The following SPATA13 variants were observed in gnomAD, a reference collection of about 807,000 sequenced individuals.
SPATA13 encodes spermatogenesis-associated protein 13.
SPATA13 carries 50 observed loss-of-function variants against 104.0 expected under a neutral mutation model. The ratio of observed to expected loss-of-function variants is 0.48; its 90% confidence interval spans 0.38 to 0.61. SPATA13 has a LOEUF of 0.61. Ranked by LOEUF, SPATA13 falls within the 20% of genes least tolerant of loss-of-function variation. The pLI is 0.00. For synonymous variants in SPATA13, 606 were observed against 667.5 expected (o/e 0.91, Z 1.42); for missense variants, 1,524 against 1,690.6 (o/e 0.90, Z 1.73).
At chr13:24,122,106 T>G (rs1392654827) in intron 3 of SPATA13, 1 of 1,612,426 alleles carries the variant, frequency 6.2e-7, no homozygotes, top group Non-Finnish European at 8.5e-7. Flanking sequence ...TTGAAAGAAC[T>G]TGGCACAACT....
intron 2 of SPATA13, among the ~76,000 whole-genome samples, chr13:24,005,138 TG>T: frequency 6.6e-6 from 1 of 152,380 alleles, no homozygotes; most frequent in South Asian, 2.1e-4. Context: ...CTGCTTTCTC[TG>T]AGTCGCTAGG....
rs574612427 is a variant in SPATA13, at chr13:24,063,640, A to G, written c.-112+45939A>G. ...CCAATTACACAGCTTCCCTGAGCCC[A>G]CTCAAGTGGGGGCGGCTCCTTCTCC... On this transcript the variant is annotated intron_variant, in intron 3 of 14. Coordinates refer to the SPATA13 transcript ENST00000424834. Among the ~76,000 whole-genome samples, 3 of 152,038 alleles carry G rather than the reference A, an allele frequency of 2.0e-5. No homozygotes were observed. The East Asian group carries it at 5.8e-4, about 30-fold the overall frequency.
intron 3 of SPATA13, among the ~76,000 whole-genome samples, chr13:24,072,115 C>A (rs535713548): frequency 8.5e-5 from 13 of 152,262 alleles, no homozygotes; most frequent in African/African-American, 2.6e-4. Context: ...ATTGAACACA[C>A]AAGTACATGA....
chr13:23,979,848 T>C, exon 1 of SPATA13: 2 of 152,312 alleles, frequency 1.3e-5, no homozygotes, highest in Non-Finnish European at 2.9e-5. Context: ...GTGACCTTCC[T>C]CCCCCTTCCA....
chr13:24,025,852 T>C (rs1877188235), intron 3 of SPATA13, among the ~76,000 whole-genome samples: 1 of 151,074 alleles, frequency 6.6e-6, no homozygotes, highest in Non-Finnish European at 1.5e-5. Context: ...CTCTATCGCC[T>C]GGGCTGGAGT....
intron 3 of SPATA13, among the ~76,000 whole-genome samples, chr13:24,089,077 A>T (rs141933529): frequency 1.4e-4 from 21 of 152,364 alleles, no homozygotes; most frequent in African/African-American, 4.8e-4. Flanking sequence ...GGCAGTTTTC[A>T]TAGATGAGGA....
At chr13:24,041,867 G>A (rs1426828862) in intron 3 of SPATA13, among the ~76,000 whole-genome samples, 4 of 152,198 alleles carry the variant, frequency 2.6e-5, no homozygotes. Context: ...GGCCACCAAT[G>A]GAAGCTTTGC....
chr13:24,157,461 G>A (rs1882294552), upstream of SPATA13, among the ~76,000 whole-genome samples: 1 of 152,090 alleles, frequency 6.6e-6, no homozygotes. Flanking sequence ...ACCACGCCCG[G>A]CTAATTTTTT....
rs1315365769 is a variant in SPATA13 at position 24,297,348 on chromosome 13, T to C, written c.3211-15T>C. 1 of 1,596,334 alleles carries C rather than the reference T, an allele frequency of 6.3e-7. No homozygotes were observed. The highest frequency in any genetic ancestry group is 8.5e-7 in the Non-Finnish European group (1 of 1,171,414). On this transcript the variant is annotated splice_polypyrimidine_tract_variant and intron_variant, in intron 10 of 12. Coordinates refer to ENST00000382108, the MANE Select transcript of SPATA13 (RefSeq NM_001166271.3). ...TAGAATTGGAAGGTCTTAAGATGTGTTTTCATCCTTCCAGGGACTGGATAT... is the reference window on the plus strand; with the variant it reads ...TAGAATTGGAAGGTCTTAAGATGTGCTTTCATCCTTCCAGGGACTGGATAT...
At chr13:24,221,397 CTA>C (rs1346975350) in intron 1 of SPATA13, among the ~76,000 whole-genome samples, 10 of 152,158 alleles carry the variant, frequency 6.6e-5, no homozygotes, top group African/African-American at 2.4e-4. Flanking sequence ...CATCCAGTAA[CTA>C]TTTATTGAGA....
intron 3 of SPATA13, among the ~76,000 whole-genome samples, chr13:24,151,745 A>G (rs1252098374): frequency 6.6e-6 from 1 of 152,192 alleles, no homozygotes; most frequent in East Asian, 1.9e-4. Flanking sequence ...AGTTCCTACC[A>G]TTTAGGGTTA....
chr13:24,144,655 GC>G (rs1017711746), intron 3 of SPATA13, among the ~76,000 whole-genome samples: 1 of 152,124 alleles, frequency 6.6e-6, no homozygotes, highest in African/African-American at 2.4e-5. Context: ...CCGGGTTGCA[GC>G]ACACCAGCCC....
chr13:24,197,823 C>G (rs1306780984), intron 1 of SPATA13, among the ~76,000 whole-genome samples: 1 of 151,954 alleles, frequency 6.6e-6, no homozygotes, highest in African/African-American at 2.4e-5. Flanking sequence ...TACTAGGATG[C>G]CTTAGACTTC....
chr13:24,136,636 G>A (rs944097250), intron 3 of SPATA13, among the ~76,000 whole-genome samples: 2 of 152,198 alleles, frequency 1.3e-5, no homozygotes, highest in African/African-American at 4.8e-5. Flanking sequence ...GATGGGCTCA[G>A]CTTTGGGGCC....
chr13:24,178,323 T>G (rs933371909), intron 1 of SPATA13, among the ~76,000 whole-genome samples: 4 of 152,206 alleles, frequency 2.6e-5, no homozygotes, highest in Non-Finnish European at 5.9e-5. Context: ...TTAGCAGAAA[T>G]GTATTGAACT....
At chr13:24,124,402 A>T (rs1881142354) in intron 3 of SPATA13, among the ~76,000 whole-genome samples, 1 of 152,196 alleles carries the variant, frequency 6.6e-6, no homozygotes, top group Non-Finnish European at 1.5e-5. Context: ...GTCGAGGTGT[A>T]GAGCCCCGTC....
intron 3 of SPATA13, among the ~76,000 whole-genome samples, chr13:24,054,010 G>C (rs551898580): frequency 6.6e-6 from 1 of 152,152 alleles, no homozygotes; most frequent in African/African-American, 2.4e-5. Flanking sequence ...TTGGGGTGAC[G>C]GAGGCTCCTG....
chr13:24,040,923 C>G (rs1415018642), intron 3 of SPATA13, among the ~76,000 whole-genome samples: 1 of 152,170 alleles, frequency 6.6e-6, no homozygotes, highest in African/African-American at 2.4e-5. Flanking sequence ...GCAGTTGCTG[C>G]CCACTGGGAA....
intron 4 of SPATA13, chr13:24,278,703 G>A: frequency 1.3e-6 from 2 of 1,554,632 alleles, no homozygotes; most frequent in South Asian, 1.2e-5. Flanking sequence ...CCTGAGAGAT[G>A]GGTTTTATCA....
Sources: allele counts gnomAD v4.1 joint callset (sites outside exome capture counted in the v4.1 genomes callset), GRCh38; gene constraint gnomAD v4.1.1; transcripts MANE v1.5; gene names NCBI Gene and HGNC (gene_info 2026-07-23, HGNC 2026-07-21).